Variants in ATM observed in about 807,000 individuals in gnomAD.
The protein encoded by ATM is ATM serine/threonine kinase, also known as serine-protein kinase ATM.
Under a neutral mutation model 387.0 loss-of-function variants are expected in ATM, and 308 were observed. The observed-to-expected ratio is 0.80, with a 90% confidence interval of 0.73 to 0.87. The LOEUF is 0.87. Ranked by LOEUF, ATM falls within the 40% of genes least tolerant of loss-of-function variation. ATM has a pLI of 0.00. For missense variants in ATM, 3,312 were observed against 3,560.9 expected, an observed-to-expected ratio of 0.93 and a Z score of 1.78; for synonymous variants, 1,156 against 1,187.3, an observed-to-expected ratio of 0.97 and a Z score of 0.54.
At chr11:108,331,048 T>C (rs2086186800) in intron 50 of ATM, among the ~76,000 whole-genome samples, 1 of 152,240 alleles carries the variant, frequency 6.6e-6, no homozygotes, top group East Asian at 1.9e-4. Flanking sequence ...CAATCTCTGC[T>C]GTAGTATACA....
Position 108,227,703 on chromosome 11 carries a change from A to T in ATM, c.72+7A>T, listed in dbSNP as rs1321369058. ...TAGAGCTACAGAACGAAAGGTAGTA[A>T]ATTACTTAAATTCAATTTTTCCTTG... On this transcript the variant is annotated splice_region_variant and intron_variant, in intron 2 of 62. Transcript: ENST00000675843. The T allele has an allele frequency of 3.1e-6, 5 of 1,611,892 alleles. No individual in the cohort carries two copies. In the South Asian group the frequency reaches 5.5e-5, roughly 18 times the overall value.
chr11:108,289,678 T>C lies in ATM; in HGVS notation c.4313T>C (p.Ile1438Thr). ...AATAATGTTTATAAGAAGCACAGAA[T>C]TCTTAAAATATATCACCTGTTTGTT... ...ETNNVYKKHR[I>T]LKIYHLFVSL... is the part of the protein sequence containing the mutation. The change falls in exon 29 of 63, where the codon ATT becomes ACT. Residue 1438 changes from isoleucine (I) to threonine (T), a missense_variant. Coordinates refer to ENST00000675843, the MANE Select transcript of ATM (RefSeq NM_000051.4). 1 of 1,613,380 alleles carries C rather than the reference T, an allele frequency of 6.2e-7. No individual in the cohort carries two copies. The highest frequency in any genetic ancestry group is 1.1e-5 in the South Asian group (1 of 90,974).
At chr11:108,347,469 T>G in intron 59 of ATM, 104 bp downstream of exon 59, 1 of 985,126 alleles carries the variant, frequency 1.0e-6, no homozygotes, top group East Asian at 2.6e-5. Context: ...ACAGATAAAT[T>G]GAAGCAGTAA....
At chr11:108,327,837 C>G (rs2085839289) in intron 48 of ATM, 79 bp downstream of exon 48, 2 of 1,101,138 alleles carry the variant, frequency 1.8e-6, no homozygotes, top group African/African-American at 3.1e-5. Flanking sequence ...CAATATATTT[C>G]CAAAGCAAAT....
rs227062 is a variant in ATM, at chr11:108,334,656, G to A, written c.8011-313G>A. Among the ~76,000 whole-genome samples, 81,793 of 151,994 alleles carry A rather than the reference G, an allele frequency of 0.54. 22,587 individuals are homozygous for A. The highest frequency in any genetic ancestry group is 0.74 in the Middle Eastern group (218 of 294). The stretch of plus-strand genomic sequence containing the variant: ...TATCAGCTAGGTGATTTCGCTGAAT[G>A]TTTCCTTAAAATGCCAGATTTAGCA... On this transcript the variant is annotated intron_variant, in intron 54 of 62. Transcript: ENST00000675843.
At chr11:108,316,134 G>A (rs2084629751) in intron 42 of ATM, 21 bp downstream of exon 42, 1 of 1,603,394 alleles carries the variant, frequency 6.2e-7, no homozygotes, top group Non-Finnish European at 8.5e-7. Flanking sequence ...TCCCAGATTT[G>A]GTAAAGCCAT....
intron 30 of ATM, 80 bp from the exon 31 acceptor site, chr11:108,293,233 C>A (rs2135807523): frequency 2.2e-6 from 2 of 895,312 alleles, no homozygotes; most frequent in Non-Finnish European, 3.3e-6. Context: ...TAGATTTTAT[C>A]ATTTATTACA....
At chr11:108,259,944 GTTATAC>G (rs966776464) in intron 16 of ATM, among the ~76,000 whole-genome samples, 38 of 149,790 alleles carry the variant, frequency 2.5e-4, no homozygotes, top group African/African-American at 9.1e-4. Context: ...GCTATCTGCT[GTTATAC>G]TTTATTTATT....
At chr11:108,257,270 C>A (rs1303317977) in intron 14 of ATM, among the ~76,000 whole-genome samples, 1 of 152,186 alleles carries the variant, frequency 6.6e-6, no homozygotes. Context: ...TTTGCAAGAA[C>A]AGAGTATAAG....
intron 34 of ATM, among the ~76,000 whole-genome samples, chr11:108,301,243 C>T (rs1272627168): frequency 6.6e-6 from 1 of 152,100 alleles, no homozygotes; most frequent in Non-Finnish European, 1.5e-5. Flanking sequence ...TACTAGGAAG[C>T]AGGTACAAGT....
chr11:108,231,737 A>C (rs1274466741), intron 4 of ATM: 1 of 149,248 alleles, frequency 6.7e-6, no homozygotes, highest in East Asian at 2.0e-4. Flanking sequence ...GAAAGCCCCC[A>C]AATTGGTAAA....
chr11:108,357,124 C>T (rs1307833145), intron 61 of ATM, among the ~76,000 whole-genome samples: 1 of 152,240 alleles, frequency 6.6e-6, no homozygotes, highest in Non-Finnish European at 1.5e-5. Context: ...AAGGCATTGC[C>T]TCACTTGGGA....
chr11:108,339,590 A>G (rs1371746477), intron 56 of ATM, among the ~76,000 whole-genome samples: 1 of 152,140 alleles, frequency 6.6e-6, no homozygotes, highest in Non-Finnish European at 1.5e-5. Flanking sequence ...TTAGTACCAG[A>G]GAAAACACTG....
chr11:108,254,183 T>C (rs1048803065), intron 13 of ATM, 144 bp downstream of exon 13: 4 of 693,724 alleles, frequency 5.8e-6, no homozygotes, highest in African/African-American at 5.4e-5. Flanking sequence ...GGGCTCTAAA[T>C]TGGACAACTT....
chr11:108,272,678 A>G, intron 21 of ATM, 44 bp from the exon 22 acceptor site: 1 of 1,613,204 alleles, frequency 6.2e-7, no homozygotes, highest in South Asian at 1.1e-5. Context: ...GTTAATGAGT[A>G]ATTTTTCTCT....
At chr11:108,300,878 CTT>C (rs11305754) in intron 34 of ATM, among the ~76,000 whole-genome samples, 113 of 102,666 alleles carry the variant, frequency 1.1e-3, no homozygotes, top group South Asian at 1.7e-3. Context: ...TCATCTCTCT[CTT>C]TTTTTTTTTT....
intron 37 of ATM, 143 bp from the exon 38 acceptor site, chr11:108,307,754 T>C (rs1449460571): frequency 1.4e-6 from 1 of 701,748 alleles, no homozygotes; most frequent in African/African-American, 1.8e-5. Context: ...GAAATCCTAT[T>C]AAATTCCTTC....
chr11:108,359,845 G>C (rs1250177584), intron 61 of ATM, among the ~76,000 whole-genome samples: 4 of 152,040 alleles, frequency 2.6e-5, no homozygotes, highest in Non-Finnish European at 5.9e-5. Context: ...GAGAAAGCAG[G>C]AAAGATCCAA....
chr11:108,358,661 A>T (rs1425300757), intron 61 of ATM, among the ~76,000 whole-genome samples: 1 of 147,148 alleles, frequency 6.8e-6, no homozygotes, highest in East Asian at 2.0e-4. Context: ...AAAGAAAAGA[A>T]TTTTCAACCC....
Sources: gnomAD v4.1 joint callset for allele counts (sites outside exome capture counted in the v4.1 genomes callset) on GRCh38, gnomAD v4.1.1 for gene constraint, MANE v1.5 for transcripts, NCBI Gene and HGNC (gene_info 2026-07-23, HGNC 2026-07-21) for gene names.